The following LINGO2 variants were observed in gnomAD, a reference collection of about 807,000 sequenced individuals.
LINGO2 encodes leucine rich repeat and Ig domain containing 2.
LINGO2 carries 14 observed loss-of-function variants against 30.6 expected under a neutral mutation model. The ratio of observed to expected loss-of-function variants is 0.46; its 90% confidence interval spans 0.30 to 0.72. LINGO2 has a LOEUF of 0.72. Ranked by LOEUF, LINGO2 falls within the 30% of genes least tolerant of loss-of-function variation. LINGO2 has a pLI of 0.07. For synonymous variants in LINGO2, 317 were observed against 288.5 expected, an observed-to-expected ratio of 1.10 and a Z score of -1.00; for missense variants, 729 against 751.7, an observed-to-expected ratio of 0.97 and a Z score of 0.35.
intron 1 of LINGO2, among the ~76,000 whole-genome samples, chr9:28,574,144 A>G (rs927037988): frequency 6.6e-6 from 1 of 152,206 alleles, no homozygotes; most frequent in Non-Finnish European, 1.5e-5. Flanking sequence ...ATCTATGAGT[A>G]TGAATGTGTG....
the LINGO2 span, among the ~76,000 whole-genome samples, chr9:28,796,129 G>C: frequency 2.6e-5 from 4 of 151,506 alleles, no homozygotes; most frequent in Admixed American, 6.6e-5. Flanking sequence ...ACCCTTAAGA[G>C]AGCTGTCACT....
At chr9:28,261,715 C>T (rs1015636539) in intron 4 of LINGO2, among the ~76,000 whole-genome samples, 1 of 151,654 alleles carries the variant, frequency 6.6e-6, no homozygotes, top group African/African-American at 2.4e-5. Flanking sequence ...ACATATTATT[C>T]AAGAAGAGAA....
chr9:29,058,568 A>G, the LINGO2 span, among the ~76,000 whole-genome samples: 1 of 152,000 alleles, frequency 6.6e-6, no homozygotes, highest in African/African-American at 2.4e-5. Context: ...AAATTTTTCA[A>G]ATTTGGAGAA....
the LINGO2 span, among the ~76,000 whole-genome samples, chr9:28,692,123 A>G: frequency 6.6e-6 from 1 of 152,148 alleles, no homozygotes; most frequent in East Asian, 1.9e-4. Flanking sequence ...GCACTATGAT[A>G]TTCTCATATC....
the LINGO2 span, among the ~76,000 whole-genome samples, chr9:28,747,371 C>CA: frequency 6.6e-6 from 1 of 152,010 alleles, no homozygotes; most frequent in Admixed American, 6.6e-5. Flanking sequence ...CTCCACCACT[C>CA]AATAAAACCC....
the LINGO2 span, among the ~76,000 whole-genome samples, chr9:29,130,366 A>C: frequency 6.6e-6 from 1 of 152,226 alleles, no homozygotes; most frequent in African/African-American, 2.4e-5. Flanking sequence ...TCTCCCAAAT[A>C]ACTCAAGGGG....
the LINGO2 span, among the ~76,000 whole-genome samples, chr9:28,763,678 G>C: frequency 6.6e-6 from 1 of 151,304 alleles, no homozygotes; most frequent in Admixed American, 6.6e-5. Flanking sequence ...AGACAATGAA[G>C]AGTAGGGCAA....
chr9:28,038,145 T>C (rs1386082243), intron 4 of LINGO2, among the ~76,000 whole-genome samples: 2 of 152,186 alleles, frequency 1.3e-5, no homozygotes, highest in Non-Finnish European at 2.9e-5. Context: ...TTTTCTGGAA[T>C]GATAAGAGGC....
At chr9:28,892,883 T>G in the LINGO2 span, among the ~76,000 whole-genome samples, 1 of 152,132 alleles carries the variant, frequency 6.6e-6, no homozygotes, top group Non-Finnish European at 1.5e-5. Context: ...AGAAAAAAGA[T>G]TTCTGTTGAA....
At chr9:28,133,652 G>A (rs914082304) in intron 4 of LINGO2, among the ~76,000 whole-genome samples, 2 of 152,182 alleles carry the variant, frequency 1.3e-5, no homozygotes, top group South Asian at 4.1e-4. Context: ...GGGCAGCTTG[G>A]AGGCGGGGTT....
At chr9:27,976,142 G>T (rs974234775) in intron 5 of LINGO2, among the ~76,000 whole-genome samples, 1 of 152,100 alleles carries the variant, frequency 6.6e-6, no homozygotes, top group African/African-American at 2.4e-5. Context: ...TCATAAAATT[G>T]TTGCAGGCTT....
At chr9:27,992,854 A>G (rs1821466994) in intron 5 of LINGO2, among the ~76,000 whole-genome samples, 1 of 152,086 alleles carries the variant, frequency 6.6e-6, no homozygotes. Flanking sequence ...TTACCAAACT[A>G]ATAGGAGACA....
the LINGO2 span, among the ~76,000 whole-genome samples, chr9:29,031,245 AGTGGTG>A: frequency 2.7e-5 from 4 of 150,894 alleles, no homozygotes; most frequent in Admixed American, 6.6e-5. Flanking sequence ...ATAGTAACAA[AGTGGTG>A]GTGGTGGTGG....
chr9:27,945,060 AT>A (rs1402296388), downstream of LINGO2, among the ~76,000 whole-genome samples: 1 of 151,926 alleles, frequency 6.6e-6, no homozygotes, highest in Non-Finnish European at 1.5e-5. Flanking sequence ...AAATTATGTA[AT>A]TTTTTTCTTT....
chr9:28,231,606 T>A (rs1029046338), intron 4 of LINGO2, among the ~76,000 whole-genome samples: 3 of 152,118 alleles, frequency 2.0e-5, no homozygotes, highest in African/African-American at 7.2e-5. Flanking sequence ...TTTTAAGACA[T>A]CTGACACTCT....
the LINGO2 span, among the ~76,000 whole-genome samples, chr9:28,828,026 G>A: frequency 6.6e-6 from 1 of 151,766 alleles, no homozygotes. Flanking sequence ...AATCATAATG[G>A]CTATCTTTGG....
At chr9:28,902,673 T>G in the LINGO2 span, among the ~76,000 whole-genome samples, 4 of 152,024 alleles carry the variant, frequency 2.6e-5, no homozygotes, top group Admixed American at 2.6e-4. Flanking sequence ...AAGATTGAAA[T>G]TATTCAAGTA....
chr9:28,939,018 T>G, the LINGO2 span, among the ~76,000 whole-genome samples: 1 of 152,144 alleles, frequency 6.6e-6, no homozygotes, highest in Non-Finnish European at 1.5e-5. Context: ...TTAATGAACT[T>G]TACTTTCTTT....
At chr9:28,331,033 T>C (rs1418795656) in intron 3 of LINGO2, among the ~76,000 whole-genome samples, 2 of 152,070 alleles carry the variant, frequency 1.3e-5, no homozygotes, top group Admixed American at 1.3e-4. Flanking sequence ...GAAGTTGACA[T>C]TGTTTTAAAA....
Sources: gnomAD v4.1 joint callset for allele counts (sites outside exome capture counted in the v4.1 genomes callset) on GRCh38, gnomAD v4.1.1 for gene constraint, MANE v1.5 for transcripts, NCBI Gene and HGNC (gene_info 2026-07-23, HGNC 2026-07-21) for gene names.